Variants in SHH observed in about 807,000 individuals in gnomAD.
SHH encodes the protein sonic hedgehog protein.
A neutral mutation model predicts 16.6 loss-of-function variants in SHH; 3 were observed. That is an observed-to-expected ratio of 0.18 (90% CI 0.08 to 0.47). The LOEUF (loss-of-function observed/expected upper bound fraction) is 0.47. Among genes scored for constraint, SHH ranks in the 20% least tolerant of loss-of-function variants. The pLI, the probability that SHH is intolerant of heterozygous loss-of-function variation, is 0.98. For synonymous variants in SHH, 351 were observed against 316.2 expected, an observed-to-expected ratio of 1.11 and a Z score of -1.17; for missense variants, 499 against 665.0, an observed-to-expected ratio of 0.75 and a Z score of 2.75.
chr7:155,811,390 G>T (rs1047120024), intron 1 of SHH, among the ~76,000 whole-genome samples: 5 of 152,214 alleles, frequency 3.3e-5, no homozygotes, highest in African/African-American at 1.2e-4. Context: ...GGCTACGTTC[G>T]TTCGTTCGTA....
rs570710567 is a variant in SHH at position 155,800,159 on chromosome 7, A to G, written c.*2741T>C. The G allele has an allele frequency of 1.8e-4, 86 of 471,500 alleles. No homozygotes were observed. Among genetic ancestry groups the G allele is most frequent in the African/African-American group, 1.5e-3 (77 of 50,236 alleles). The allele number at this position is 471,500 out of a possible 1,614,324, so 29.2% of individuals were successfully genotyped here. ...TTGGCTCCGTCAACCCTGAATGAGA[A>G]GTCGGCGCCTCGTCCTGGCGGGGCT... On this transcript the variant is annotated 3_prime_UTR_variant, in exon 3 of 3. Transcript: ENST00000297261.
At chr7:155,804,138 C>A (rs925557190) in intron 2 of SHH, among the ~76,000 whole-genome samples, 1 of 151,780 alleles carries the variant, frequency 6.6e-6, no homozygotes, top group Non-Finnish European at 1.5e-5. Context: ...CCCGCGGGCG[C>A]CGGGCGCACC....
rs1803177638 is a variant in SHH, at chr7:155,801,373, G to C, written c.*1527C>G. Reference sequence around the variant, plus strand: ...GATGCTTTCTGGAAGGGACACAACAGGACCTCAGAAAGCAGCAATGAGCCT... The same window carrying C: ...GATGCTTTCTGGAAGGGACACAACACGACCTCAGAAAGCAGCAATGAGCCT... On this transcript the variant is annotated 3_prime_UTR_variant, in exon 3 of 3. Coordinates refer to ENST00000297261, the MANE Select transcript of SHH (RefSeq NM_000193.4). 1.3e-5 allele frequency: 2 copies of C among 152,340 alleles called. No homozygotes were observed. The highest frequency in any genetic ancestry group is 6.5e-5 in the Admixed American group (1 of 15,292). 9.4% of individuals were successfully genotyped at this position (152,340 alleles called of 1,614,324 possible).
chr7:155,811,333 C>T (rs1803518285), intron 1 of SHH, among the ~76,000 whole-genome samples: 4 of 152,166 alleles, frequency 2.6e-5, no homozygotes, highest in Admixed American at 2.6e-4. Context: ...GGAAAGAAAA[C>T]CACAGAGGCA....
In SHH at chr7:155,802,522, C is replaced by T. The variant is rs9333640; in HGVS notation, c.*378G>A. ...TGCTTGGCCTCACAAAATAATCTTT[C>T]CCCCGTGAGTACAGTTCACATGATC... is the stretch of plus-strand genomic sequence containing the variant. On this transcript the variant is annotated 3_prime_UTR_variant, in exon 3 of 3. Coordinates refer to ENST00000297261, the MANE Select transcript of SHH (RefSeq NM_000193.4). 5.5e-3 allele frequency: 881 copies of T among 161,118 alleles called. 12 individuals carry two copies. The highest frequency in any genetic ancestry group is 0.02 in the African/African-American group (844 of 41,880). The allele number at this position is 161,118 out of a possible 1,614,324, so 10.0% of individuals were successfully genotyped here. A position where few individuals can be genotyped will look rare whatever the true frequency, so the allele number is the denominator to read the frequency against.
Position 155,806,351 on chromosome 7 carries a change from G to A in SHH, c.507C>T (p.Gly169=). Residue 169 remains glycine, a synonymous_variant, in exon 2 of 3, where the codon GGC becomes GGT. Coordinates refer to ENST00000297261, the MANE Select transcript of SHH (RefSeq NM_000193.4). ...TGGACTCGTAGTACACCCAGTCGAA[G>A]CCGGCCTCCACCGCCAGGCGGGCCA... ...GMLARLAVEA[G]FDWVYYESKA... is the part of the protein sequence containing the mutation. 6.2e-7 allele frequency: 1 copy of A among 1,613,472 alleles called. No individual in the cohort carries two copies. Among genetic ancestry groups the A allele is most frequent in the Non-Finnish European group, 8.5e-7 (1 of 1,180,042 alleles).
At chr7:155,808,151 G>C (rs1224656032) in intron 1 of SHH, among the ~76,000 whole-genome samples, 1 of 152,132 alleles carries the variant, frequency 6.6e-6, no homozygotes, top group Non-Finnish European at 1.5e-5. Flanking sequence ...ATGTTTGTGG[G>C]CCTGCCAGCA....
intron 1 of SHH, among the ~76,000 whole-genome samples, chr7:155,811,246 C>T (rs1332934162): frequency 1.3e-5 from 2 of 152,230 alleles, no homozygotes; most frequent in Non-Finnish European, 1.5e-5. Flanking sequence ...GGAGCCCCTG[C>T]CTTTTGTCAG....
At chr7:155,810,515 G>A (rs1054299743) in intron 1 of SHH, among the ~76,000 whole-genome samples, 4 of 152,244 alleles carry the variant, frequency 2.6e-5, no homozygotes, top group African/African-American at 9.6e-5. Context: ...CTGCTGTCTG[G>A]CACTGGCGCG....
rs777855133 is a variant in SHH, at chr7:155,803,041, G to T, written c.1248C>A (p.Thr416=). Residue 416 remains threonine, a synonymous_variant, in exon 3 of 3, where the codon ACC becomes ACA. Transcript: ENST00000297261. ...RGGGGGRVAL[T]APGAADAPGA... The stretch of plus-strand genomic sequence containing the variant: ...CCGGAGCGTCGGCAGCACCTGGAGC[G>T]GTTAGGGCTACTCTGCCGCCGCCGC... 1.3e-5 allele frequency: 20 copies of T among 1,527,820 alleles called. 1 individual carries two copies. Among genetic ancestry groups the T allele is most frequent in the Middle Eastern group, 4.3e-4 (2 of 4,662 alleles). 94.6% of individuals were successfully genotyped at this position (1,527,820 alleles called of 1,614,324 possible). A position where few individuals can be genotyped will look rare whatever the true frequency, so the allele number is the denominator to read the frequency against.
Position 155,812,037 on chromosome 7 carries a change from C to G in SHH, c.86G>C (p.Gly29Ala), listed in dbSNP as rs1313527438. The G allele has an allele frequency of 6.2e-7, 1 of 1,614,058 alleles. No homozygotes were observed. The highest frequency in any genetic ancestry group is 1.3e-5 in the African/African-American group (1 of 74,928). Residue 29 changes from glycine to alanine, a missense_variant, in exon 1 of 3, where the codon GGG becomes GCG. Physicochemically the swap from Gly to Ala is moderately conservative, Grantham distance 60. Transcript: ENST00000297261. The stretch of plus-strand genomic sequence containing the variant: ...TTTGGGGTGCCTCCTCTTCCCGAAC[C>G]CCCTGCCCGGTCCGCACGCCAGTCC... ...CSGLACGPGRGFGKRRHPKKL... is the reference protein window; with the variant it reads ...CSGLACGPGRAFGKRRHPKKL...
At chr7:155,805,105 A>T in intron 2 of SHH, among the ~76,000 whole-genome samples, 1 of 151,208 alleles carries the variant, frequency 6.6e-6, no homozygotes, top group East Asian at 2.0e-4. Flanking sequence ...TCCCGGCGCG[A>T]TCCGGGGGAT....
At chr7:155,810,252 G>A (rs1234247807) in intron 1 of SHH, among the ~76,000 whole-genome samples, 1 of 152,138 alleles carries the variant, frequency 6.6e-6, no homozygotes, top group Non-Finnish European at 1.5e-5. Context: ...CCCCTTCTGC[G>A]GTATTGGCCT....
intron 1 of SHH, among the ~76,000 whole-genome samples, chr7:155,808,109 G>T (rs1468354228): frequency 6.6e-6 from 1 of 152,204 alleles, no homozygotes; most frequent in Non-Finnish European, 1.5e-5. Context: ...GGGTAGGGCT[G>T]GGGGCCGCCC....
At chr7:155,811,260 C>T (rs905349345) in intron 1 of SHH, among the ~76,000 whole-genome samples, 7 of 152,232 alleles carry the variant, frequency 4.6e-5, no homozygotes, top group African/African-American at 1.7e-4. Flanking sequence ...TTGTCAGAAC[C>T]GCCTCCTGGC....
Position 155,803,258 on chromosome 7 carries a change from G to A in SHH, c.1031C>T (p.Ala344Val). 1 of 1,513,926 alleles carries A rather than the reference G, an allele frequency of 6.6e-7. No homozygotes were observed. Among genetic ancestry groups the A allele is most frequent in the South Asian group, 1.2e-5 (1 of 80,680 alleles). 93.8% of individuals were successfully genotyped at this position (1,513,926 alleles called of 1,614,324 possible). ...SVTLSEEAAG[A>V]YAPLTAQGTI... Reference sequence around the variant, plus strand: ...GCCCTGGGCCGTGAGCGGCGCGTAGGCGCCCGCGGCCTCCTCGCTTAGGGT... The same window carrying A: ...GCCCTGGGCCGTGAGCGGCGCGTAGACGCCCGCGGCCTCCTCGCTTAGGGT... The change falls in exon 3 of 3, where the codon GCC becomes GTC. Residue 344 changes from alanine (A) to valine (V), a missense_variant. Coordinates refer to ENST00000297261, the MANE Select transcript of SHH (RefSeq NM_000193.4).
intron 2 of SHH, among the ~76,000 whole-genome samples, chr7:155,804,198 A>G (rs941519353): frequency 8.6e-5 from 13 of 151,564 alleles, no homozygotes; most frequent in African/African-American, 2.9e-4. Flanking sequence ...TCGCGCACTC[A>G]GCACCCGGGC....
Position 155,811,283 on chromosome 7 carries a change from G to T in SHH, c.300+540C>A, listed in dbSNP as rs9333597. On this transcript the variant is annotated intron_variant, in intron 1 of 2. Coordinates refer to ENST00000297261, the MANE Select transcript of SHH (RefSeq NM_000193.4). ...ACCGCCTCCTGGCTTTTCCAGTTGAGAATTCTTTGGTGGGGAGGTGCAGGG... is the reference window on the plus strand; with the variant it reads ...ACCGCCTCCTGGCTTTTCCAGTTGATAATTCTTTGGTGGGGAGGTGCAGGG... 8.4e-3 allele frequency among the ~76,000 whole-genome samples: 1,275 copies of T among 152,336 alleles called. 6 individuals are homozygous for T. The highest frequency in any genetic ancestry group is 0.014 in the Non-Finnish European group (948 of 68,026).
rs1340155466 is a variant in SHH, at chr7:155,801,183, C to T, written c.*1717G>A. 6.5e-6 allele frequency: 1 copy of T among 153,896 alleles called. No individual in the cohort carries two copies. The highest frequency in any genetic ancestry group is 2.4e-5 in the African/African-American group (1 of 41,474). 9.5% of individuals were successfully genotyped at this position (153,896 alleles called of 1,614,324 possible). A position where few individuals can be genotyped will look rare whatever the true frequency, so the allele number is the denominator to read the frequency against. On this transcript the variant is annotated 3_prime_UTR_variant, in exon 3 of 3. Coordinates refer to ENST00000297261, the MANE Select transcript of SHH (RefSeq NM_000193.4). ...AGGGATCAAAGTCCACGCCCGACCG[C>T]CATGTGACACAGACAACCAGTGTAG...
Sources: gnomAD v4.1 joint callset for allele counts (sites outside exome capture counted in the v4.1 genomes callset) on GRCh38, gnomAD v4.1.1 for gene constraint, MANE v1.5 for transcripts, NCBI Gene and HGNC (gene_info 2026-07-23, HGNC 2026-07-21) for gene names.